Variants in SLC44A2 observed in about 807,000 individuals in gnomAD.
SLC44A2 encodes the protein choline transporter-like protein 2.
SLC44A2 carries 57 observed loss-of-function variants against 90.8 expected under a neutral mutation model. The ratio of observed to expected loss-of-function variants is 0.63; its 90% confidence interval spans 0.51 to 0.78. SLC44A2 has a LOEUF of 0.78. SLC44A2 is among the 30% of genes least tolerant of loss of function. The pLI, the probability that SLC44A2 is intolerant of heterozygous loss-of-function variation, is 0.00. For synonymous variants in SLC44A2, 355 were observed against 360.7 expected, an observed-to-expected ratio of 0.98 and a Z score of 0.18; for missense variants, 794 against 919.7, an observed-to-expected ratio of 0.86 and a Z score of 1.77.
At chr19:10,619,220 A>C (rs944455382) in intron 1 of SLC44A2, among the ~76,000 whole-genome samples, 2 of 151,550 alleles carry the variant, frequency 1.3e-5, no homozygotes, top group South Asian at 2.1e-4. Context: ...GCTGGAACTC[A>C]AGAGTTCGAG....
intron 1 of SLC44A2, among the ~76,000 whole-genome samples, chr19:10,612,439 T>C (rs955653587): frequency 6.6e-6 from 1 of 152,164 alleles, no homozygotes; most frequent in Non-Finnish European, 1.5e-5. Flanking sequence ...CCTAACATAG[T>C]CCAGCATACA....
chr19:10,633,411 C>T (rs991325958), intron 10 of SLC44A2, among the ~76,000 whole-genome samples: 7 of 151,876 alleles, frequency 4.6e-5, no homozygotes, highest in South Asian at 2.1e-4. Flanking sequence ...CTGCCTGCCT[C>T]GACCTCCCAA....
At position 10,631,358 on chromosome 19, in the gene SLC44A2, C is replaced by T. The variant is rs142452052; in HGVS notation, c.414C>T (p.Phe138=). Residue 138 remains phenylalanine, a synonymous_variant, in exon 6 of 22, where the codon TTC becomes TTT. Coordinates refer to ENST00000335757, the MANE Select transcript of SLC44A2 (RefSeq NM_020428.4). ...SSRDFEYYKQ[F]CVPGFKNNKG... ...GGGACTTTGAGTACTATAAGCAGTT[C>T]TGTGTTCCTGGCTTCAAGAACAATA... The T allele has an allele frequency of 3.7e-6, 6 of 1,614,052 alleles. No individual in the cohort carries two copies. Among genetic ancestry groups the T allele is most frequent in the Non-Finnish European group, 5.1e-6 (6 of 1,180,052 alleles).
chr19:10,617,907 C>T (rs760258870), intron 1 of SLC44A2, among the ~76,000 whole-genome samples: 2 of 152,166 alleles, frequency 1.3e-5, no homozygotes, highest in Admixed American at 1.3e-4. Flanking sequence ...CTGGCTTTAC[C>T]GGTCTTACTG....
At chr19:10,603,630 C>A (rs998967114) in intron 1 of SLC44A2, among the ~76,000 whole-genome samples, 1 of 152,186 alleles carries the variant, frequency 6.6e-6, no homozygotes, top group Non-Finnish European at 1.5e-5. Flanking sequence ...CTGCAGAGCC[C>A]AGCCAAGGGG....
chr19:10,637,741 C>T lies in SLC44A2; in HGVS notation c.1689C>T (p.Tyr563=), dbSNP rs2067073717. 1 of 1,614,032 alleles carries T rather than the reference C, an allele frequency of 6.2e-7. No homozygotes were observed. Among genetic ancestry groups the T allele is most frequent in the Non-Finnish European group, 8.5e-7 (1 of 1,179,932 alleles). ...KFIKFLNRNA[Y]IMIAIYGTNF... Reference sequence around the variant, plus strand: ...TCAAATTCCTTAATAGGAATGCCTACATCATGGTGAGTGGGCCTGGGACCC... The same window carrying T: ...TCAAATTCCTTAATAGGAATGCCTATATCATGGTGAGTGGGCCTGGGACCC... The change falls in exon 17 of 22, where the codon TAC becomes TAT. Residue 563 remains tyrosine, a synonymous_variant. Coordinates refer to ENST00000335757, the MANE Select transcript of SLC44A2 (RefSeq NM_020428.4).
At chr19:10,602,542 G>T (rs1227905400) in exon 1 of SLC44A2, 8 of 1,281,370 alleles carry the variant, frequency 6.2e-6, no homozygotes, top group Middle Eastern at 5.8e-4. Context: ...TGGAGGACGA[G>T]CGGAAAAACG....
chr19:10,624,827 A>G (rs2066917369), upstream of SLC44A2, among the ~76,000 whole-genome samples: 1 of 152,216 alleles, frequency 6.6e-6, no homozygotes. Context: ...TGCACCCACT[A>G]AGGGCTGAAT....
upstream of SLC44A2, among the ~76,000 whole-genome samples, chr19:10,624,597 C>A (rs180987829): frequency 6.6e-5 from 10 of 152,376 alleles, no homozygotes; most frequent in East Asian, 1.9e-3. Context: ...CTGGCCTATG[C>A]CTGCTCTTTG....
chr19:10,631,274 G>T lies in SLC44A2; in HGVS notation c.331-1G>T. The T allele has an allele frequency of 6.2e-7, 1 of 1,614,052 alleles. No individual in the cohort carries two copies. Among genetic ancestry groups the T allele is most frequent in the Non-Finnish European group, 8.5e-7 (1 of 1,179,998 alleles). ...CCAATCCCTTCCTTCTCCCCTCCCA[G>T]ATCTGCGTGGAAAAATGCCCCGACC... On this transcript the variant is annotated splice_acceptor_variant, in intron 5 of 21. Transcript: ENST00000335757. LOFTEE classifies it high-confidence loss of function.
intron 4 of SLC44A2, among the ~76,000 whole-genome samples, chr19:10,629,169 A>G (rs961121179): frequency 6.0e-5 from 9 of 148,818 alleles, no homozygotes; most frequent in African/African-American, 2.5e-5. Flanking sequence ...GTGCCACTGC[A>G]CTCCAGCCTA....
At chr19:10,618,587 C>T (rs559831572) in intron 1 of SLC44A2, among the ~76,000 whole-genome samples, 5 of 150,874 alleles carry the variant, frequency 3.3e-5, no homozygotes, top group African/African-American at 7.3e-5. Context: ...TCACGCCATT[C>T]TCCTGCCTCA....
intron 1 of SLC44A2, among the ~76,000 whole-genome samples, chr19:10,614,725 CTTTGGGAGGCT>C (rs1195140358): frequency 6.6e-6 from 1 of 151,988 alleles, no homozygotes; most frequent in Non-Finnish European, 1.5e-5. Flanking sequence ...AATCCCAGCA[CTTTGGGAGGCT>C]GAGGCGGGCG....
chr19:10,634,832 C>T lies in SLC44A2; in HGVS notation c.900C>T (p.Gly300=). The change falls in exon 11 of 22, where the codon GGC becomes GGT. Residue 300 remains glycine, a synonymous_variant. Coordinates refer to ENST00000335757, the MANE Select transcript of SLC44A2 (RefSeq NM_020428.4). ...AGSDVSLVDL[G]FQTDFRVYLH... is the part of the protein sequence containing the mutation. ...CTGATGTCTCTTTGGTGGACCTCGG[C>T]TTTCAGACGGATTTCCGGGTGTACC... 1 of 1,614,140 alleles carries T rather than the reference C, an allele frequency of 6.2e-7. No individual in the cohort carries two copies. The highest frequency in any genetic ancestry group is 8.5e-7 in the Non-Finnish European group (1 of 1,180,042).
chr19:10,609,618 A>G (rs1918225675), intron 1 of SLC44A2, among the ~76,000 whole-genome samples: 1 of 151,984 alleles, frequency 6.6e-6, no homozygotes, highest in Non-Finnish European at 1.5e-5. Flanking sequence ...TTTACATACT[A>G]AAAAAACCAC....
intron 4 of SLC44A2, among the ~76,000 whole-genome samples, chr19:10,628,340 C>T (rs974076272): frequency 6.6e-6 from 1 of 152,154 alleles, no homozygotes; most frequent in Non-Finnish European, 1.5e-5. Context: ...GAGCCGAGAT[C>T]GTGCCACTGC....
At chr19:10,614,426 T>C (rs1568443633) in intron 1 of SLC44A2, among the ~76,000 whole-genome samples, 2 of 151,992 alleles carry the variant, frequency 1.3e-5, no homozygotes, top group Admixed American at 1.3e-4. Flanking sequence ...AGAGACAGGG[T>C]TGTGATCTGT....
At chr19:10,642,222 C>G in intron 20 of SLC44A2, 145 bp from the exon 21 acceptor site, 1 of 640,524 alleles carries the variant, frequency 1.6e-6, no homozygotes, top group Non-Finnish European at 2.8e-6. Flanking sequence ...GCCCTGCCAG[C>G]GGGGGTGAGG....
chr19:10,629,783 T>G (rs2066974503), intron 4 of SLC44A2, among the ~76,000 whole-genome samples: 1 of 151,054 alleles, frequency 6.6e-6, no homozygotes, highest in Admixed American at 6.6e-5. Flanking sequence ...AGACAGAGTC[T>G]CGCTCTGTCG....
Sources: allele counts gnomAD v4.1 joint callset (sites outside exome capture counted in the v4.1 genomes callset), GRCh38; gene constraint gnomAD v4.1.1; transcripts MANE v1.5; gene names NCBI Gene and HGNC (gene_info 2026-07-23, HGNC 2026-07-21).